MAPT: variants seen among roughly 807,000 people sequenced by gnomAD.
The protein encoded by MAPT is microtubule associated protein tau, also known as microtubule-associated protein tau.
In MAPT, 34 loss-of-function variants were observed where a neutral mutation model predicts 67.9. The observed-to-expected ratio is 0.50, with a 90% CI of 0.38 to 0.67. The LOEUF is 0.67. Ranked by LOEUF, MAPT falls within the 30% of genes least tolerant of loss-of-function variation. MAPT has a pLI of 0.00. For synonymous variants in MAPT, 456 were observed against 464.5 expected, an observed-to-expected ratio of 0.98 and a Z score of 0.23; for missense variants, 881 against 1,115.2, an observed-to-expected ratio of 0.79 and a Z score of 2.99.
rs532339388 is a variant in MAPT at position 45,996,799 on chromosome 17, G to A, written c.1998+135G>A. Reference sequence around the variant, plus strand: ...CGTGGGACTGTGCATGGAGGTGTGGGGCTCCCCGCACCTGAGCACCCCCGC... The same window carrying A: ...CGTGGGACTGTGCATGGAGGTGTGGAGCTCCCCGCACCTGAGCACCCCCGC... On this transcript the variant is annotated intron_variant, in intron 9 of 12. Coordinates refer to ENST00000262410, the MANE Select transcript of MAPT (RefSeq NM_001377265.1). This position sits in a 1 kb window ranked among gnomAD's most constrained non-coding sequence, Gnocchi z 4.5. 7 of 1,269,152 alleles carry A rather than the reference G, an allele frequency of 5.5e-6. No homozygotes were observed. The African/African-American group carries it at 9.0e-5, about 16-fold the overall frequency. The allele number at this position is 1,269,152 out of a possible 1,614,324, so 78.6% of individuals were successfully genotyped here.
chr17:46,016,156 C>T (rs911996986), intron 11 of MAPT, among the ~76,000 whole-genome samples: 1 of 152,076 alleles, frequency 6.6e-6, no homozygotes, highest in South Asian at 2.1e-4. Context: ...CCTTGGGAGG[C>T]GGGGGTGGGC....
intron 9 of MAPT, among the ~76,000 whole-genome samples, chr17:46,009,238 T>C (rs2075658651): frequency 6.6e-6 from 1 of 152,098 alleles, no homozygotes; most frequent in Non-Finnish European, 1.5e-5. Flanking sequence ...CAAAGCACAC[T>C]GTTTCCACTG....
rs1022077820 is a variant in MAPT at position 45,971,967 on chromosome 17, C to G, written c.220+22C>G. 3.2e-6 allele frequency: 5 copies of G among 1,576,658 alleles called. No individual in the cohort carries two copies. In the African/African-American group the frequency reaches 6.7e-5, roughly 21 times the overall value. Reference sequence around the variant, plus strand: ...GAAGGTGGGCCCCCCTTCAGACGCCCCCTCCATGCCTCCAGCCTGTGCTTA... The same window carrying G: ...GAAGGTGGGCCCCCCTTCAGACGCCGCCTCCATGCCTCCAGCCTGTGCTTA... On this transcript the variant is annotated intron_variant, in intron 3 of 12. Coordinates refer to ENST00000262410, the MANE Select transcript of MAPT (RefSeq NM_001377265.1). The surrounding 1 kb of genome is among the most constrained non-coding windows in gnomAD (Gnocchi z 4.3).
chr17:45,927,949 G>A (rs999010655), intron 1 of MAPT, among the ~76,000 whole-genome samples: 2 of 144,442 alleles, frequency 1.4e-5, no homozygotes, highest in Non-Finnish European at 3.0e-5. Context: ...GCAGTGAGCC[G>A]AGATGGCGCC....
At chr17:45,909,692 G>A (rs942682779) in intron 1 of MAPT, among the ~76,000 whole-genome samples, 2 of 152,202 alleles carry the variant, frequency 1.3e-5, no homozygotes, top group African/African-American at 2.4e-5. Context: ...CCAACAGGGT[G>A]AAACCCCGTG....
chr17:45,981,150 G>A (rs1199947712), intron 4 of MAPT, among the ~76,000 whole-genome samples: 1 of 152,134 alleles, frequency 6.6e-6, no homozygotes, highest in African/African-American at 2.4e-5. Flanking sequence ...GGTTACCTTT[G>A]TGTGTCCATG....
intron 1 of MAPT, among the ~76,000 whole-genome samples, chr17:45,933,081 TCAAA>T (rs1308070443): frequency 8.2e-5 from 12 of 146,716 alleles, no homozygotes; most frequent in African/African-American, 1.2e-4. Context: ...AAACTCTGTT[TCAAA>T]CAAACAAACA....
At chr17:45,922,298 G>A (rs904590096) in intron 1 of MAPT, among the ~76,000 whole-genome samples, 5 of 152,152 alleles carry the variant, frequency 3.3e-5, no homozygotes, top group African/African-American at 1.2e-4. Flanking sequence ...CTTTGAGGGT[G>A]GTTTTGGTTT....
intron 10 of MAPT, among the ~76,000 whole-genome samples, chr17:46,012,715 C>T (rs969861039): frequency 1.3e-5 from 2 of 152,068 alleles, no homozygotes; most frequent in Non-Finnish European, 2.9e-5. Context: ...CTGCCATCCA[C>T]TCCTCTCCTT....
intron 1 of MAPT, among the ~76,000 whole-genome samples, chr17:45,944,750 C>G (rs530123793): frequency 1.1e-4 from 16 of 152,316 alleles, no homozygotes; most frequent in Non-Finnish European, 1.9e-4. Flanking sequence ...CCACAGTGCT[C>G]TTTGGCCAGT....
rs979650971 is a variant in MAPT at position 46,014,333 on chromosome 17, G to C, written c.2173+9G>C. On this transcript the variant is annotated intron_variant, in intron 11 of 12. Transcript: ENST00000262410. Reference sequence around the variant, plus strand: ...CATCCATCATAAACCAGGTAGCCCTGTGGAAGGTGAGGGTTGGGACGGGAG... The same window carrying C: ...CATCCATCATAAACCAGGTAGCCCTCTGGAAGGTGAGGGTTGGGACGGGAG... The C allele has an allele frequency of 6.8e-6, 11 of 1,610,090 alleles. No individual in the cohort carries two copies. Among genetic ancestry groups the C allele is most frequent in the African/African-American group, 2.7e-5 (2 of 74,832 alleles).
chr17:45,983,056 AGC>A lies in MAPT; in HGVS notation c.480_481del (p.Pro161SerfsTer41). On this transcript the variant is annotated frameshift_variant, in exon 5 of 13. Transcript: ENST00000262410. LOFTEE classifies it high-confidence loss of function. Reference sequence around the variant, plus strand: ...TTCCTCAGCACCGTCCCGTTTGCCCAGCGCCTCCTCCAACAGGAGGCCCTCAG... The same window carrying A: ...TTCCTCAGCACCGTCCCGTTTGCCCAGCCTCCTCCAACAGGAGGCCCTCAG... The part of the protein sequence containing the change: ...SLPQHRPVCP[A>X]PPPTGGPQEP... The A allele has an allele frequency of 6.6e-7, 1 of 1,525,572 alleles. No homozygotes were observed. The highest frequency in any genetic ancestry group is 8.8e-7 in the Non-Finnish European group (1 of 1,132,196). The allele number at this position is 1,525,572 out of a possible 1,614,324, so 94.5% of individuals were successfully genotyped here.
In MAPT at chr17:45,915,140, C is replaced by T. The variant is rs2065090545; in HGVS notation, c.-18+20454C>T. Among the ~76,000 whole-genome samples the T allele has an allele frequency of 6.6e-6, 1 of 152,138 alleles. No individual in the cohort carries two copies. The highest frequency in any genetic ancestry group is 2.4e-5 in the African/African-American group (1 of 41,436). On this transcript the variant is annotated intron_variant, in intron 1 of 12. Transcript: ENST00000262410. The surrounding 1 kb of genome is among the most constrained non-coding windows in gnomAD (Gnocchi z 4.4). The stretch of plus-strand genomic sequence containing the variant: ...CCTCAAGTGATGCTGGCAGGCATGA[C>T]GAATGTCCCTGGTCACAAAAGCTCT...
intron 1 of MAPT, among the ~76,000 whole-genome samples, chr17:45,950,989 G>A (rs1400692356): frequency 1.3e-5 from 2 of 152,198 alleles, no homozygotes. Flanking sequence ...TTAAAAGACT[G>A]TGGTGTCCAT....
In MAPT at chr17:45,983,809, A is replaced by G. The variant is rs775145112; in HGVS notation, c.1230A>G (p.Pro410=). ...TTCCAGGGGCCCCTGGAGAGGGGCC[A>G]GAGGCCCGGGGCCCCTCTTTGGGAG... ...AAFPGAPGEG[P]EARGPSLGED... The change falls in exon 5 of 13, where the codon CCA becomes CCG. Residue 410 remains proline (P), a synonymous_variant. Transcript: ENST00000262410. 4 of 1,613,412 alleles carry G rather than the reference A, an allele frequency of 2.5e-6. No homozygotes were observed. Among genetic ancestry groups the G allele is most frequent in the Non-Finnish European group, 3.4e-6 (4 of 1,179,900 alleles).
chr17:45,929,035 C>A (rs2066616969), intron 1 of MAPT, among the ~76,000 whole-genome samples: 1 of 152,002 alleles, frequency 6.6e-6, no homozygotes, highest in Non-Finnish European at 1.5e-5. Flanking sequence ...GCAGAGAATT[C>A]TGTTGCATCA....
chr17:45,895,842 C>G (rs919171468), intron 1 of MAPT: 2 of 152,204 alleles, frequency 1.3e-5, no homozygotes, highest in African/African-American at 4.8e-5. Context: ...ACCGGGTGGC[C>G]GGGCTTCATA....
At chr17:46,002,867 T>C (rs1047724040) in intron 9 of MAPT, among the ~76,000 whole-genome samples, 9 of 151,290 alleles carry the variant, frequency 5.9e-5, no homozygotes, top group African/African-American at 2.2e-4. Flanking sequence ...ACTGCAGCCT[T>C]GAAGTCCTGA....
chr17:45,988,240 C>T (rs751861228), intron 6 of MAPT, among the ~76,000 whole-genome samples: 17 of 152,342 alleles, frequency 1.1e-4, no homozygotes, highest in South Asian at 4.1e-4. Context: ...GGGCCTTGGC[C>T]GCTTCCATGG....
Sources: allele counts gnomAD v4.1 joint callset (sites outside exome capture counted in the v4.1 genomes callset), GRCh38; gene constraint gnomAD v4.1.1; non-coding constraint Gnocchi (gnomAD v3.1); transcripts MANE v1.5; gene names NCBI Gene and HGNC (gene_info 2026-07-23, HGNC 2026-07-21).